The following IFT57 variants were observed in gnomAD, a reference collection of about 807,000 sequenced individuals.
The protein encoded by IFT57 is intraflagellar transport protein 57 homolog.
In IFT57, 59 loss-of-function variants were observed where a neutral mutation model predicts 56.8. The ratio of observed to expected loss-of-function variants is 1.04; its 90% confidence interval spans 0.84 to 1.29. The LOEUF (loss-of-function observed/expected upper bound fraction) is 1.29. IFT57 is among the 50% of genes most tolerant of loss of function. IFT57 has a pLI of 0.00. For missense variants in IFT57, 470 were observed against 522.1 expected (o/e 0.90, Z 0.97); for synonymous variants, 209 against 186.1 (o/e 1.12, Z -1.00).
chr3:108,165,373 C>T (rs56197414), intron 9 of IFT57, 58 bp downstream of exon 9: 23,542 of 1,396,732 alleles, frequency 0.017, 290 homozygotes, highest in Non-Finnish European at 0.022. Flanking sequence ...TTTGTAGGTT[C>T]TCAATGGCTG....
At chr3:108,199,146 T>C (rs1263724986) in intron 5 of IFT57, among the ~76,000 whole-genome samples, 1 of 152,194 alleles carries the variant, frequency 6.6e-6, no homozygotes, top group Non-Finnish European at 1.5e-5. Context: ...TGGGAAACTT[T>C]TCACATTTTT....
At chr3:108,215,721 T>C (rs1426568521) in intron 3 of IFT57, among the ~76,000 whole-genome samples, 3 of 152,218 alleles carry the variant, frequency 2.0e-5, no homozygotes, top group African/African-American at 7.2e-5. Context: ...CATTTAGATA[T>C]ATAAAAAATT....
At chr3:108,168,458 T>C (rs1306964403) in intron 6 of IFT57, among the ~76,000 whole-genome samples, 1 of 152,010 alleles carries the variant, frequency 6.6e-6, no homozygotes, top group East Asian at 1.9e-4. Context: ...TAAAAATATT[T>C]CAGTTTACTA....
intron 3 of IFT57, among the ~76,000 whole-genome samples, chr3:108,216,876 G>T (rs1365998557): frequency 6.6e-6 from 1 of 152,098 alleles, no homozygotes; most frequent in Non-Finnish European, 1.5e-5. Flanking sequence ...GGCACAGAAA[G>T]ACAAATATCA....
intron 6 of IFT57, among the ~76,000 whole-genome samples, chr3:108,176,764 A>T (rs1029399947): frequency 1.3e-5 from 2 of 151,764 alleles, no homozygotes; most frequent in African/African-American, 4.8e-5. Context: ...TTACTTAGAA[A>T]TTTTTTCTCT....
intron 6 of IFT57, among the ~76,000 whole-genome samples, chr3:108,174,790 C>G (rs28522908): frequency 0.096 from 14,606 of 151,828 alleles, 769 homozygotes; most frequent in Middle Eastern, 0.12. Context: ...CACATAGGGA[C>G]TATCCTTTCA....
chr3:108,181,159 G>A lies in IFT57; in HGVS notation c.777+10362C>T, dbSNP rs766164932. ...CAGTTGAAACATTTATCACACTCAG[G>A]GTAAATAGGAAGGCAGGCATCATCA... On this transcript the variant is annotated intron_variant, in intron 6 of 10. Transcript: ENST00000264538. Among the ~76,000 whole-genome samples the A allele has an allele frequency of 9.6e-4, 146 of 151,814 alleles. 1 individual carries two copies. Among genetic ancestry groups the A allele is most frequent in the Non-Finnish European group, 1.6e-4 (11 of 67,938 alleles).
At chr3:108,182,223 A>T (rs1320304426) in intron 6 of IFT57, among the ~76,000 whole-genome samples, 3 of 152,098 alleles carry the variant, frequency 2.0e-5, no homozygotes, top group African/African-American at 7.2e-5. Context: ...CAGAAGGTCA[A>T]ATCAAGTTAC....
At chr3:108,179,898 A>G (rs575877347) in intron 6 of IFT57, among the ~76,000 whole-genome samples, 3 of 1,664 alleles carry the variant, frequency 1.8e-3, no homozygotes, top group Admixed American at 8.3e-3. Context: ...AACTACACAT[A>G]TTACTTTAAA....
intron 8 of IFT57, among the ~76,000 whole-genome samples, chr3:108,165,892 T>G (rs887004860): frequency 1.3e-5 from 2 of 152,020 alleles, no homozygotes; most frequent in African/African-American, 4.8e-5. Context: ...CAATGATGAA[T>G]AAGGATTAAC....
chr3:108,178,566 A>G (rs916787327), intron 6 of IFT57, among the ~76,000 whole-genome samples: 5 of 151,954 alleles, frequency 3.3e-5, no homozygotes, highest in Non-Finnish European at 7.4e-5. Context: ...TATAAATCAA[A>G]AGGAAAAGCA....
chr3:108,173,566 T>G (rs2080106093), intron 6 of IFT57, among the ~76,000 whole-genome samples: 1 of 151,814 alleles, frequency 6.6e-6, no homozygotes, highest in South Asian at 2.1e-4. Flanking sequence ...TAGCCTCAGT[T>G]GGGCAAAACC....
chr3:108,194,007 C>T (rs1055628411), intron 5 of IFT57, among the ~76,000 whole-genome samples: 11 of 152,238 alleles, frequency 7.2e-5, no homozygotes, highest in African/African-American at 2.6e-4. Context: ...TGTGGGTATA[C>T]ACAAAGGGTT....
intron 5 of IFT57, among the ~76,000 whole-genome samples, chr3:108,199,339 A>G (rs945947055): frequency 2.6e-5 from 4 of 152,372 alleles, no homozygotes; most frequent in Non-Finnish European, 4.4e-5. Flanking sequence ...TTTTAATGCA[A>G]TAATGAGTTT....
intron 6 of IFT57, among the ~76,000 whole-genome samples, chr3:108,187,829 A>ATTTCT (rs141518826): frequency 0.011 from 1,697 of 151,672 alleles, 10 homozygotes; most frequent in Non-Finnish European, 0.02. Flanking sequence ...AAAATAATAC[A>ATTTCT]TTTCTTTTCT....
chr3:108,218,745 A>C (rs2080387889), intron 2 of IFT57, 92 bp from the exon 3 acceptor site: 1 of 538,702 alleles, frequency 1.9e-6, no homozygotes, highest in Non-Finnish European at 3.3e-6. Context: ...TGGATGTATC[A>C]CTTTTCTTTC....
intron 5 of IFT57, among the ~76,000 whole-genome samples, chr3:108,199,879 T>C (rs1361509438): frequency 6.6e-6 from 1 of 152,108 alleles, no homozygotes; most frequent in Non-Finnish European, 1.5e-5. Flanking sequence ...ACCTTGAACA[T>C]TTGAGTCAGG....
intron 4 of IFT57, among the ~76,000 whole-genome samples, chr3:108,210,118 A>T (rs1334070212): frequency 3.3e-5 from 5 of 152,074 alleles, no homozygotes; most frequent in Non-Finnish European, 7.4e-5. Flanking sequence ...GGCACTCAAA[A>T]ATTTCCTACT....
At position 108,166,934 on chromosome 3, in the gene IFT57, T is replaced by C. The variant is rs2108307926; in HGVS notation, c.901A>G (p.Ser301Gly). ...NEITRTLEKI[S>G]SREKYINNQL... ...TTGTTGATGTACTTTTCTCGGCTGC[T>C]GATCTTTTCCAAAGTCCTAGTAATT... The change falls in exon 8 of 11, where the codon AGC becomes GGC. Residue 301 changes from serine (S) to glycine (G), a missense_variant. Transcript: ENST00000264538. 2 of 1,611,650 alleles carry C rather than the reference T, an allele frequency of 1.2e-6. No individual in the cohort carries two copies. Among genetic ancestry groups the C allele is most frequent in the Non-Finnish European group, 1.7e-6 (2 of 1,178,536 alleles).
Sources: allele counts gnomAD v4.1 joint callset (sites outside exome capture counted in the v4.1 genomes callset), GRCh38; gene constraint gnomAD v4.1.1; transcripts MANE v1.5; gene names NCBI Gene and HGNC (gene_info 2026-07-23, HGNC 2026-07-21).